NIPBL: variants seen among roughly 807,000 people sequenced by gnomAD.
The protein encoded by NIPBL is nipped-B-like protein.
Under a neutral mutation model 321.8 loss-of-function variants are expected in NIPBL, and 19 were observed. The observed-to-expected ratio is 0.06, with a 90% CI of 0.04 to 0.09. The LOEUF is 0.09. Ranked by LOEUF, NIPBL falls within the 10% of genes least tolerant of loss-of-function variation. The pLI, the probability that NIPBL is intolerant of heterozygous loss-of-function variation, is 1.00. For synonymous variants in NIPBL, 1,106 were observed against 1,114.1 expected (o/e 0.99, Z 0.14); for missense variants, 2,210 against 3,327.0 (o/e 0.66, Z 8.26).
intron 1 of NIPBL, among the ~76,000 whole-genome samples, chr5:36,899,886 A>G (rs1291643606): frequency 6.6e-6 from 1 of 152,214 alleles, no homozygotes; most frequent in African/African-American, 2.4e-5. Context: ...TGAGTTGATA[A>G]TCACATTATT....
chr5:36,923,889 A>C (rs780520588), intron 1 of NIPBL, among the ~76,000 whole-genome samples: 1 of 152,224 alleles, frequency 6.6e-6, no homozygotes, highest in African/African-American at 2.4e-5. Context: ...AAATGGATAG[A>C]GCAAGATGCA....
chr5:36,996,649 A>T lies in NIPBL; in HGVS notation c.3304+845A>T. 1 of 383,850 alleles carries T rather than the reference A, an allele frequency of 2.6e-6. No individual in the cohort carries two copies. The highest frequency in any genetic ancestry group is 1.9e-5 in the South Asian group (1 of 51,356). The allele number at this position is 383,850 out of a possible 1,614,324, so 23.8% of individuals were successfully genotyped here. ...TGAGCCTAGCCAAGAGGGGTCAGCAACCTTGTTTGACTTAAACGGCATTCA... is the reference window on the plus strand; with the variant it reads ...TGAGCCTAGCCAAGAGGGGTCAGCATCCTTGTTTGACTTAAACGGCATTCA... On this transcript the variant is annotated intron_variant, in intron 11 of 46. Coordinates refer to ENST00000282516, the MANE Select transcript of NIPBL (RefSeq NM_133433.4). This position sits in a 1 kb window ranked among gnomAD's most constrained non-coding sequence, Gnocchi z 5.0.
intron 40 of NIPBL, 108 bp downstream of exon 40, chr5:37,049,409 T>G (rs1368858461): frequency 1.6e-6 from 2 of 1,216,342 alleles, no homozygotes; most frequent in Non-Finnish European, 2.4e-6. Flanking sequence ...CTTACTCTTC[T>G]TTGTACTAAA....
intron 29 of NIPBL, 104 bp downstream of exon 29, chr5:37,022,494 ATAT>A (rs1467948800): frequency 3.0e-6 from 3 of 994,642 alleles, no homozygotes; most frequent in Admixed American, 6.1e-5. Flanking sequence ...TACCAATTAT[ATAT>A]TTATATTGTC....
At chr5:36,915,819 C>CT (rs1322822754) in intron 1 of NIPBL, among the ~76,000 whole-genome samples, 2 of 152,096 alleles carry the variant, frequency 1.3e-5, no homozygotes, top group Non-Finnish European at 2.9e-5. Flanking sequence ...CTGACTTCAT[C>CT]TTTTGTGAAA....
intron 1 of NIPBL, among the ~76,000 whole-genome samples, chr5:36,927,659 T>A (rs1749465637): frequency 6.6e-6 from 1 of 151,824 alleles, no homozygotes; most frequent in South Asian, 2.1e-4. Context: ...AAATTAGGAG[T>A]ATTGTAGAAG....
rs115216407 is a variant in NIPBL, at chr5:37,062,933, A to G, written c.7861-857A>G. Among the ~76,000 whole-genome samples, 1,002 of 152,300 alleles carry G rather than the reference A, an allele frequency of 6.6e-3. 6 individuals carry two copies. Among genetic ancestry groups the G allele is most frequent in the Non-Finnish European group, 0.011 (737 of 68,016 alleles). On this transcript the variant is annotated intron_variant, in intron 45 of 46. Coordinates refer to ENST00000282516, the MANE Select transcript of NIPBL (RefSeq NM_133433.4). Reference sequence around the variant, plus strand: ...AGACCCTGTCTCAATTTAAAAAGAAAAAAAAAAAGGGTTAAGCTGGCAAAT... The same window carrying G: ...AGACCCTGTCTCAATTTAAAAAGAAGAAAAAAAAGGGTTAAGCTGGCAAAT...
chr5:36,917,439 G>A (rs1228449561), intron 1 of NIPBL, among the ~76,000 whole-genome samples: 1 of 152,026 alleles, frequency 6.6e-6, no homozygotes, highest in Non-Finnish European at 1.5e-5. Context: ...TCTGTAGGTT[G>A]CCTCTTCACT....
At chr5:36,966,944 G>A (rs1004136549) in intron 6 of NIPBL, among the ~76,000 whole-genome samples, 2 of 151,834 alleles carry the variant, frequency 1.3e-5, no homozygotes, top group African/African-American at 4.8e-5. Context: ...CGAAAACCTC[G>A]ATTGTAGAAA....
chr5:37,004,639 A>G (rs568365878), intron 16 of NIPBL, among the ~76,000 whole-genome samples: 2 of 152,226 alleles, frequency 1.3e-5, no homozygotes, highest in South Asian at 4.1e-4. Flanking sequence ...ACTGCTGGCA[A>G]CAAACAATCC....
chr5:36,952,053 T>TGCGTGCGC (rs1554010278), intron 1 of NIPBL, among the ~76,000 whole-genome samples: 6 of 112,210 alleles, frequency 5.3e-5, no homozygotes, highest in Non-Finnish European at 1.1e-4. Context: ...TGTGTGTGTG[T>TGCGTGCGC]GCGCGCGCGC....
At chr5:37,039,991 T>G (rs1752153882) in intron 34 of NIPBL, among the ~76,000 whole-genome samples, 1 of 152,110 alleles carries the variant, frequency 6.6e-6, no homozygotes, top group South Asian at 2.1e-4. Context: ...TCATTAACTT[T>G]GTGAAGTAAG....
At chr5:36,977,031 A>G (rs915282456) in intron 9 of NIPBL, among the ~76,000 whole-genome samples, 56 of 152,126 alleles carry the variant, frequency 3.7e-4, no homozygotes, top group African/African-American at 1.2e-3. Context: ...TACCTGGTCT[A>G]TGAGTTTATG....
chr5:36,917,466 T>C (rs1331339309), intron 1 of NIPBL, among the ~76,000 whole-genome samples: 1 of 152,236 alleles, frequency 6.6e-6, no homozygotes, highest in Non-Finnish European at 1.5e-5. Flanking sequence ...GTAGTTTCTT[T>C]TGCTGTGCAG....
chr5:36,912,282 G>A (rs1168186067), intron 1 of NIPBL, among the ~76,000 whole-genome samples: 2 of 152,140 alleles, frequency 1.3e-5, no homozygotes, highest in Admixed American at 6.5e-5. Context: ...AGTTAGAGAA[G>A]GAATATAGGG....
intron 1 of NIPBL, among the ~76,000 whole-genome samples, chr5:36,952,074 ATGTG>A (rs1580315534): frequency 1.4e-5 from 1 of 71,398 alleles, no homozygotes; most frequent in South Asian, 4.8e-4. Flanking sequence ...GCGCGCGCGC[ATGTG>A]TGTGTGTAGC....
chr5:36,898,503 T>G (rs2149531545), intron 1 of NIPBL, among the ~76,000 whole-genome samples: 1 of 150,732 alleles, frequency 6.6e-6, no homozygotes, highest in Admixed American at 6.7e-5. Flanking sequence ...CCTATGTTTT[T>G]CTGATTCCTT....
intron 40 of NIPBL, chr5:37,051,127 T>TAA (rs921821769): frequency 6.6e-6 from 1 of 152,580 alleles, no homozygotes; most frequent in African/African-American, 2.4e-5. Context: ...GCACCCACCT[T>TAA]ACAGCCTTTT....
At chr5:36,946,134 C>T (rs565283652) in intron 1 of NIPBL, among the ~76,000 whole-genome samples, 96 of 152,076 alleles carry the variant, frequency 6.3e-4, no homozygotes, top group Non-Finnish European at 1.1e-3. Flanking sequence ...GCAAGGAGAA[C>T]CTTTTCATTC....
Sources: gnomAD v4.1 joint callset for allele counts (sites outside exome capture counted in the v4.1 genomes callset) on GRCh38, gnomAD v4.1.1 for gene constraint, Gnocchi (gnomAD v3.1) non-coding constraint, MANE v1.5 for transcripts, NCBI Gene and HGNC (gene_info 2026-07-23, HGNC 2026-07-21) for gene names.